Variants in PARVB observed in about 807,000 individuals in gnomAD.
PARVB encodes parvin beta.
Under a neutral mutation model 47.0 loss-of-function variants are expected in PARVB, and 46 were observed. The observed-to-expected ratio is 0.98, with a 90% CI of 0.77 to 1.25. The LOEUF is 1.25. PARVB is among the 50% of genes most tolerant of loss of function. The probability of loss-of-function intolerance (pLI) is 0.00; values close to 1 mark genes in which losing one functional copy is unlikely to be tolerated. For synonymous variants in PARVB, 196 were observed against 196.3 expected, an observed-to-expected ratio of 1.00 and a Z score of 0.01; for missense variants, 473 against 471.6, an observed-to-expected ratio of 1.00 and a Z score of -0.03.
At chr22:44,121,231 G>A (rs1356482343) in intron 4 of PARVB, among the ~76,000 whole-genome samples, 2 of 151,972 alleles carry the variant, frequency 1.3e-5, no homozygotes, top group Admixed American at 6.6e-5. Flanking sequence ...TTTTGTACTG[G>A]CCTGAAGCAA....
upstream of PARVB, among the ~76,000 whole-genome samples, chr22:44,019,769 G>A (rs1419805484): frequency 3.3e-5 from 5 of 152,172 alleles, no homozygotes; most frequent in Non-Finnish European, 7.3e-5. Flanking sequence ...ACAAAACCAT[G>A]AGGGATCCTC....
intron 1 of PARVB, among the ~76,000 whole-genome samples, chr22:44,084,802 T>G (rs1050270754): frequency 1.3e-5 from 2 of 152,264 alleles, no homozygotes; most frequent in Non-Finnish European, 2.9e-5. Flanking sequence ...GAGCCATTTC[T>G]ATGGTTGAAC....
At chr22:44,167,027 A>C (rs987547438) in intron 12 of PARVB, among the ~76,000 whole-genome samples, 1 of 152,206 alleles carries the variant, frequency 6.6e-6, no homozygotes, top group African/African-American at 2.4e-5. Context: ...CCCCACCCGG[A>C]GGAAGCAGAG....
At chr22:44,163,221 G>A (rs1352288754) in intron 11 of PARVB, among the ~76,000 whole-genome samples, 1 of 152,212 alleles carries the variant, frequency 6.6e-6, no homozygotes, top group Non-Finnish European at 1.5e-5. Flanking sequence ...TGTAATTCCA[G>A]CACTTTGGGA....
chr22:44,167,247 C>T (rs995075404), intron 12 of PARVB, among the ~76,000 whole-genome samples: 6 of 152,258 alleles, frequency 3.9e-5, no homozygotes, highest in South Asian at 2.1e-4. Flanking sequence ...GAGCCGAGTG[C>T]GGAGCTCGAT....
chr22:44,163,588 C>T (rs538704650), intron 11 of PARVB, among the ~76,000 whole-genome samples: 5 of 152,214 alleles, frequency 3.3e-5, no homozygotes, highest in African/African-American at 7.2e-5. Context: ...CGTGAGCCCT[C>T]GAGAGCAGGC....
intron 2 of PARVB, among the ~76,000 whole-genome samples, chr22:44,016,221 C>T (rs556749847): frequency 3.9e-5 from 6 of 151,990 alleles, no homozygotes; most frequent in South Asian, 4.2e-4. Context: ...CTCAGCCTCC[C>T]GAGTAGCTGG....
At chr22:44,154,866 GGT>G (rs974973187) in intron 10 of PARVB, among the ~76,000 whole-genome samples, 1 of 142,454 alleles carries the variant, frequency 7.0e-6, no homozygotes. Context: ...CTGTGGTGGG[GGT>G]GTGTGTGTGT....
chr22:44,137,161 A>G (rs1384057468), intron 7 of PARVB, among the ~76,000 whole-genome samples: 3 of 152,252 alleles, frequency 2.0e-5, no homozygotes, highest in African/African-American at 7.2e-5. Flanking sequence ...TCCATCAGCT[A>G]AGTTCACAGA....
intron 6 of PARVB, among the ~76,000 whole-genome samples, chr22:44,135,247 C>G (rs1013518577): frequency 1.3e-5 from 2 of 152,042 alleles, no homozygotes; most frequent in African/African-American, 4.8e-5. Flanking sequence ...GCCATGCCCC[C>G]CTCACTACCA....
chr22:44,048,271 A>G (rs999481026), intron 1 of PARVB, among the ~76,000 whole-genome samples: 3 of 152,194 alleles, frequency 2.0e-5, no homozygotes, highest in African/African-American at 7.2e-5. Context: ...CAACTTTGTT[A>G]TTTCTGTAAT....
intron 3 of PARVB, among the ~76,000 whole-genome samples, chr22:44,116,743 G>A (rs2052914089): frequency 6.6e-6 from 1 of 152,180 alleles, no homozygotes; most frequent in Non-Finnish European, 1.5e-5. Context: ...GAGCTGTGAT[G>A]GGGGATGCTG....
chr22:44,076,677 T>C (rs868386941), intron 1 of PARVB, among the ~76,000 whole-genome samples: 4 of 151,956 alleles, frequency 2.6e-5, no homozygotes, highest in Non-Finnish European at 5.9e-5. Flanking sequence ...TGCACCCTCC[T>C]CTAGATTCAT....
At chr22:44,069,230 C>T (rs1601555108) in intron 1 of PARVB, 2 of 1,414,258 alleles carry the variant, frequency 1.4e-6, no homozygotes, top group African/African-American at 1.4e-5. Context: ...CTTTTCTTTT[C>T]TGCTTTATGG....
chr22:44,153,731 A>G lies in PARVB; in HGVS notation c.843+2180A>G, dbSNP rs574627834. 2.6e-5 allele frequency: 4 copies of G among 152,144 alleles called. No homozygotes were observed. The East Asian group carries it at 5.8e-4, about 22-fold the overall frequency. 9.4% of individuals were successfully genotyped at this position (152,144 alleles called of 1,614,324 possible). On this transcript the variant is annotated intron_variant, in intron 10 of 12. Coordinates refer to ENST00000338758, the MANE Select transcript of PARVB (RefSeq NM_013327.5). Reference sequence around the variant, plus strand: ...GTGGGCATCTTTTGGTGTAAGAGAAAGTGTGTGTGTGTGTTTCTATCTGAT... The same window carrying G: ...GTGGGCATCTTTTGGTGTAAGAGAAGGTGTGTGTGTGTGTTTCTATCTGAT...
intron 2 of PARVB, among the ~76,000 whole-genome samples, chr22:44,097,555 A>T (rs1039830111): frequency 6.6e-5 from 10 of 152,212 alleles, no homozygotes; most frequent in African/African-American, 2.4e-4. Context: ...ATCTGGAGCA[A>T]GCGCCTGCTC....
At chr22:44,050,178 GAT>G (rs1195203409) in intron 1 of PARVB, among the ~76,000 whole-genome samples, 1 of 152,148 alleles carries the variant, frequency 6.6e-6, no homozygotes, top group African/African-American at 2.4e-5. Flanking sequence ...CACTTCTTCA[GAT>G]ATGCGGCCGT....
intron 4 of PARVB, among the ~76,000 whole-genome samples, chr22:44,129,086 TAAAAA>T: frequency 6.6e-6 from 1 of 151,704 alleles, no homozygotes; most frequent in Non-Finnish European, 1.5e-5. Context: ...CTCAAAAAAA[TAAAAA>T]AATTAAAAGA....
At chr22:44,027,767 G>A (rs1450389751) in intron 1 of PARVB, among the ~76,000 whole-genome samples, 7 of 151,824 alleles carry the variant, frequency 4.6e-5, no homozygotes, top group African/African-American at 1.2e-4. Flanking sequence ...GCATGGTGGC[G>A]TGTGCCTGTA....
Sources: allele counts gnomAD v4.1 joint callset (sites outside exome capture counted in the v4.1 genomes callset), GRCh38; gene constraint gnomAD v4.1.1; transcripts MANE v1.5; gene names NCBI Gene and HGNC (gene_info 2026-07-23, HGNC 2026-07-21).